Variants in DTNB observed in about 807,000 individuals in gnomAD.
DTNB encodes dystrobrevin beta.
In DTNB, 63 loss-of-function variants were observed where a neutral mutation model predicts 90.7. The observed-to-expected ratio is 0.69, with a 90% CI of 0.57 to 0.86. DTNB has a LOEUF of 0.86. Ranked by LOEUF, DTNB falls within the 40% of genes least tolerant of loss-of-function variation. DTNB has a pLI of 0.00. For missense variants in DTNB, 744 were observed against 807.1 expected (o/e 0.92, Z 0.95); for synonymous variants, 277 against 286.7 (o/e 0.97, Z 0.34).
intron 3 of DTNB, among the ~76,000 whole-genome samples, chr2:25,632,191 T>G (rs1241315270): frequency 6.5e-5 from 2 of 30,694 alleles, no homozygotes; most frequent in Non-Finnish European, 1.5e-4. Flanking sequence ...TGACTCTGTC[T>G]CAAAAAAAAA....
intron 12 of DTNB, among the ~76,000 whole-genome samples, chr2:25,435,213 G>A (rs1016977127): frequency 1.3e-5 from 2 of 152,102 alleles, no homozygotes; most frequent in Admixed American, 1.3e-4. Context: ...TAGAGACAGG[G>A]TTTCACCATA....
intron 12 of DTNB, among the ~76,000 whole-genome samples, chr2:25,443,028 A>G (rs899355595): frequency 4.6e-5 from 7 of 152,258 alleles, no homozygotes; most frequent in Non-Finnish European, 1.0e-4. Flanking sequence ...CAAATGCCAC[A>G]AACATATAAG....
At chr2:25,655,859 C>T (rs2081973542) in intron 1 of DTNB, among the ~76,000 whole-genome samples, 1 of 152,010 alleles carries the variant, frequency 6.6e-6, no homozygotes, top group Admixed American at 6.5e-5. Context: ...GGTAGATCTA[C>T]CACCTCCTGA....
At chr2:25,451,414 T>C (rs564312060) in intron 12 of DTNB, 134 bp downstream of exon 12, 128 of 910,046 alleles carry the variant, frequency 1.4e-4, no homozygotes, top group Non-Finnish European at 2.0e-4. Flanking sequence ...CCTTCTACTC[T>C]TAGCATGTGG....
chr2:25,420,096 C>A (rs979207065), intron 15 of DTNB, among the ~76,000 whole-genome samples: 1 of 152,066 alleles, frequency 6.6e-6, no homozygotes, highest in Admixed American at 6.5e-5. Flanking sequence ...CACAGCAATG[C>A]GTTCAATCTT....
At chr2:25,665,358 G>A (rs1444043307) in intron 1 of DTNB, among the ~76,000 whole-genome samples, 1 of 152,216 alleles carries the variant, frequency 6.6e-6, no homozygotes, top group African/African-American at 2.4e-5. Flanking sequence ...CAGGCGCGGT[G>A]GCTCATGCCT....
chr2:25,512,920 CAG>C (rs1340251638), intron 9 of DTNB, among the ~76,000 whole-genome samples: 1 of 152,244 alleles, frequency 6.6e-6, no homozygotes, highest in Non-Finnish European at 1.5e-5. Context: ...CCCGATTACA[CAG>C]GCCTTGAATT....
chr2:25,455,272 G>A, intron 11 of DTNB, 133 bp downstream of exon 11: 1 of 800,870 alleles, frequency 1.2e-6, no homozygotes, highest in Non-Finnish European at 1.9e-6. Context: ...TTTTAACTCT[G>A]CCAAACATAG....
At chr2:25,426,400 G>T (rs564033347) in intron 15 of DTNB, among the ~76,000 whole-genome samples, 1 of 152,262 alleles carries the variant, frequency 6.6e-6, no homozygotes, top group South Asian at 2.1e-4. Context: ...ACAATTTCAT[G>T]GTATAAATAG....
chr2:25,552,108 T>C (rs1440371374), intron 8 of DTNB, among the ~76,000 whole-genome samples: 1 of 152,250 alleles, frequency 6.6e-6, no homozygotes, highest in Admixed American at 6.5e-5. Context: ...ATTCTATTAA[T>C]TCTATTTCTA....
chr2:25,654,095 A>G (rs796936586), intron 1 of DTNB, among the ~76,000 whole-genome samples: 4 of 152,342 alleles, frequency 2.6e-5, no homozygotes, highest in African/African-American at 9.6e-5. Context: ...AGTTCAAAAA[A>G]GACAAATTAC....
chr2:25,551,231 T>G (rs1193570645), intron 8 of DTNB, among the ~76,000 whole-genome samples: 2 of 152,230 alleles, frequency 1.3e-5, no homozygotes, highest in Admixed American at 6.5e-5. Flanking sequence ...TTTATTATGA[T>G]TTCTGCTTGT....
intron 3 of DTNB, among the ~76,000 whole-genome samples, chr2:25,634,905 G>A (rs910943961): frequency 8.7e-6 from 1 of 114,600 alleles, no homozygotes; most frequent in Non-Finnish European, 2.0e-5. Flanking sequence ...AAGTACCCCG[G>A]GACACAAACA....
At chr2:25,456,013 TA>T (rs1286635055) in intron 10 of DTNB, among the ~76,000 whole-genome samples, 1 of 152,214 alleles carries the variant, frequency 6.6e-6, no homozygotes, top group Non-Finnish European at 1.5e-5. Flanking sequence ...ATTTCTCCCA[TA>T]AAACTGGTAC....
chr2:25,629,921 A>C (rs2075301016), intron 3 of DTNB, among the ~76,000 whole-genome samples: 1 of 152,222 alleles, frequency 6.6e-6, no homozygotes, highest in South Asian at 2.1e-4. Context: ...TCTGTGTTTC[A>C]AAGGATACTA....
intron 12 of DTNB, among the ~76,000 whole-genome samples, chr2:25,434,551 ACCGTGCCTGG>A (rs1264088197): frequency 2.6e-5 from 4 of 151,950 alleles, no homozygotes; most frequent in Non-Finnish European, 5.9e-5. Flanking sequence ...GGCACATGCC[ACCGTGCCTGG>A]CCTAGTAGTC....
At chr2:25,550,348 GCCA>G (rs2083380577) in intron 8 of DTNB, among the ~76,000 whole-genome samples, 1 of 152,040 alleles carries the variant, frequency 6.6e-6, no homozygotes, top group African/African-American at 2.4e-5. Flanking sequence ...CCGAGATCGC[GCCA>G]CTGCACTCCA....
At chr2:25,474,109 A>C (rs1238614518) in intron 10 of DTNB, among the ~76,000 whole-genome samples, 1 of 152,222 alleles carries the variant, frequency 6.6e-6, no homozygotes, top group Non-Finnish European at 1.5e-5. Context: ...AATCTGAGTT[A>C]GAACTGGTGA....
chr2:25,624,186 T>G (rs1271486030), intron 4 of DTNB, among the ~76,000 whole-genome samples: 4 of 152,362 alleles, frequency 2.6e-5, no homozygotes, highest in South Asian at 4.1e-4. Context: ...AAGCTCCCTG[T>G]CCCTCTTCAA....
Sources: allele counts gnomAD v4.1 joint callset (sites outside exome capture counted in the v4.1 genomes callset), GRCh38; gene constraint gnomAD v4.1.1; transcripts MANE v1.5; gene names NCBI Gene and HGNC (gene_info 2026-07-23, HGNC 2026-07-21).